Variants in USP4 observed in about 807,000 individuals in gnomAD.
USP4 encodes the protein ubiquitin carboxyl-terminal hydrolase 4.
A neutral mutation model predicts 118.2 loss-of-function variants in USP4; 72 were observed. That is an observed-to-expected ratio of 0.61 (90% CI 0.50 to 0.74). USP4 has a LOEUF of 0.74. Among genes scored for constraint, USP4 ranks in the 30% least tolerant of loss-of-function variants. The pLI is 0.00. For missense variants in USP4, 1,037 were observed against 1,185.7 expected, an observed-to-expected ratio of 0.87 and a Z score of 1.84; for synonymous variants, 415 against 440.4, an observed-to-expected ratio of 0.94 and a Z score of 0.72.
At chr3:49,297,437 T>G (rs1210782358) in intron 13 of USP4, among the ~76,000 whole-genome samples, 1 of 152,184 alleles carries the variant, frequency 6.6e-6, no homozygotes, top group Non-Finnish European at 1.5e-5. Flanking sequence ...ATTTCTGCAT[T>G]GGGGATGGTA....
At chr3:49,302,569 G>T (rs1242230754) in intron 9 of USP4, 27 bp from the exon 10 acceptor site, 1 of 1,603,448 alleles carries the variant, frequency 6.2e-7, no homozygotes, top group Non-Finnish European at 8.5e-7. Context: ...TGTATCAGAA[G>T]GCATAATACG....
At chr3:49,333,808 T>G (rs537297449) in intron 2 of USP4, among the ~76,000 whole-genome samples, 16 of 152,062 alleles carry the variant, frequency 1.1e-4, no homozygotes, top group African/African-American at 3.9e-4. Flanking sequence ...GAGGCTGAGG[T>G]CGGGAGTTCA....
At position 49,294,585 on chromosome 3, in the gene USP4, T is replaced by C; in HGVS notation, c.1705A>G (p.Ser569Gly). Residue 569 changes from serine (S) to glycine (G), a missense_variant, in exon 14 of 22, where the codon AGC becomes GGC. Around this residue, in one of 3 missense-constraint regions of USP4, gnomAD observed 522 missense variants for 592.6 expected, o/e 0.88. Transcript: ENST00000265560. ...CATTCCGAGCCATCCACGGAAGTGC[T>C]GCAGACCTCGTACCTGCGTCAATCA... ...RDDIFVYEVC[S>G]TSVDGSECVT... 6.2e-7 allele frequency: 1 copy of C among 1,613,884 alleles called. No homozygotes were observed. The highest frequency in any genetic ancestry group is 1.7e-4 in the Middle Eastern group (1 of 6,042).
chr3:49,308,647 C>G (rs909034799), intron 8 of USP4, among the ~76,000 whole-genome samples: 14 of 151,934 alleles, frequency 9.2e-5, no homozygotes, highest in African/African-American at 3.4e-4. Context: ...AATGAAGCCC[C>G]AGTAAAAATT....
chr3:49,300,343 G>A (rs2047251809), intron 11 of USP4, 124 bp downstream of exon 11: 4 of 776,684 alleles, frequency 5.2e-6, no homozygotes, highest in Middle Eastern at 7.3e-4. Flanking sequence ...GGAGGCCAAG[G>A]GCCCATACCC....
chr3:49,315,991 G>A (rs2047430742), intron 6 of USP4, among the ~76,000 whole-genome samples: 1 of 151,984 alleles, frequency 6.6e-6, no homozygotes. Context: ...ATCACATGAG[G>A]TTGGGAGTCC....
chr3:49,325,007 T>G lies in USP4; in HGVS notation c.520A>C (p.Asn174His), dbSNP rs2047537431. The G allele has an allele frequency of 1.9e-6, 3 of 1,613,952 alleles. No homozygotes were observed. Among genetic ancestry groups the G allele is most frequent in the Non-Finnish European group, 1.7e-6 (2 of 1,180,024 alleles). The change falls in exon 5 of 22, where the codon AAC (asparagine) becomes CAC (histidine). Residue 174 changes from asparagine to histidine, a missense_variant. Physicochemically the swap from Asn to His is moderately conservative, Grantham distance 68 (BLOSUM62 1). Coordinates refer to ENST00000265560, the MANE Select transcript of USP4 (RefSeq NM_003363.4). The part of the protein sequence containing the change: ...TIEKEMRKLF[N>H]IPAERETRLW... The stretch of plus-strand genomic sequence containing the variant: ...CGTGTTTCACGCTCCGCAGGGATGT[T>G]GAATAGCTTCCGCATCTCTTTCTCG...
At position 49,300,471 on chromosome 3, in the gene USP4, G is replaced by C; in HGVS notation, c.1508C>G (p.Thr503Ser). The C allele has an allele frequency of 6.2e-7, 1 of 1,614,016 alleles. No homozygotes were observed. Among genetic ancestry groups the C allele is most frequent in the Non-Finnish European group, 8.5e-7 (1 of 1,179,898 alleles). Residue 503 changes from threonine (T) to serine (S), a missense_variant, in exon 11 of 22, where the codon ACT (threonine) becomes AGT (serine). By Grantham distance (58) the Thr-to-Ser change is moderately conservative (BLOSUM62 1). This residue lies in a region of USP4 where 522 missense variants were observed against 592.6 expected (regional missense o/e 0.88). Coordinates refer to ENST00000265560, the MANE Select transcript of USP4 (RefSeq NM_003363.4). ...LVPADPHCRP[T>S]QYRVTVPLMG... The stretch of plus-strand genomic sequence containing the variant: ...TAAGGGTGTGGATTCTGTCACCTGA[G>C]TAGGTCTGCAGTGAGGGTCAGCAGG...
rs748500966 is a variant in USP4 at position 49,339,922 on chromosome 3, A to G, written c.101+2T>C. The G allele has an allele frequency of 6.2e-7, 1 of 1,611,878 alleles. No individual in the cohort carries two copies. The highest frequency in any genetic ancestry group is 8.5e-7 in the Non-Finnish European group (1 of 1,179,082). ...TAGAGGAAGAGCGAGCCGGGAGCTC[A>G]CCACTGCGCCCCGCGTTGGAGTGTG... On this transcript the variant is annotated splice_donor_variant, in intron 1 of 21. Transcript: ENST00000265560. LOFTEE classifies it high-confidence loss of function.
At chr3:49,286,570 T>G (rs2047092386) in intron 15 of USP4, among the ~76,000 whole-genome samples, 1 of 152,132 alleles carries the variant, frequency 6.6e-6, no homozygotes, top group Non-Finnish European at 1.5e-5. Context: ...ATGAGCCACC[T>G]GCAGGCACAA....
At chr3:49,312,669 G>A (rs1438346602) in intron 6 of USP4, 2 of 347,032 alleles carry the variant, frequency 5.8e-6, no homozygotes, top group African/African-American at 2.2e-5. Flanking sequence ...GCATGTGCCT[G>A]TAGTCCCAGC....
In USP4 at chr3:49,311,408, G is replaced by A. The variant is rs1051643191; in HGVS notation, c.836+106C>T. The A allele has an allele frequency of 5.5e-5, 69 of 1,248,878 alleles. 1 individual carries two copies. The East Asian group carries it at 1.7e-3, about 30-fold the overall frequency. 77.4% of individuals were successfully genotyped at this position (1,248,878 alleles called of 1,614,324 possible). ...AACTACATGTAGCATGTTCCCATGA[G>A]GAACTCTAACCCCACTATGCTTAGT... On this transcript the variant is annotated intron_variant, in intron 7 of 21. Transcript: ENST00000265560.
chr3:49,321,489 T>G (rs1269695565), intron 6 of USP4, among the ~76,000 whole-genome samples: 2 of 151,696 alleles, frequency 1.3e-5, no homozygotes, highest in Admixed American at 1.3e-4. Flanking sequence ...TTTTTTTTTT[T>G]TTTCTCCTGA....
chr3:49,329,203 T>TA (rs1274912051), intron 2 of USP4, among the ~76,000 whole-genome samples: 1 of 151,970 alleles, frequency 6.6e-6, no homozygotes, highest in African/African-American at 2.4e-5. Flanking sequence ...AAAGTAAAAA[T>TA]AAAAAATAAA....
intron 7 of USP4, among the ~76,000 whole-genome samples, chr3:49,311,145 G>A (rs2047377700): frequency 6.7e-6 from 1 of 148,208 alleles, no homozygotes; most frequent in African/African-American, 2.5e-5. Flanking sequence ...CCATGTGGCA[G>A]GTGTGCCTGA....
Position 49,300,617 on chromosome 3 carries a change from G to A in USP4, c.1362C>T (p.Leu454=). 6.2e-7 allele frequency: 1 copy of A among 1,614,198 alleles called. No individual in the cohort carries two copies. Among genetic ancestry groups the A allele is most frequent in the Non-Finnish European group, 8.5e-7 (1 of 1,180,046 alleles). The part of the protein sequence containing the change: ...DSVIVDTFHG[L]FKSTLVCPEC... ...CTGGGCAAACCAAAGTAGATTTGAA[G>A]AGGCCATGGAAAGTATCCACAATCA... The change falls in exon 11 of 22, where the codon CTC becomes CTT. Residue 454 remains leucine, a synonymous_variant. Transcript: ENST00000265560.
intron 11 of USP4, 26 bp downstream of exon 11, chr3:49,300,441 T>C (rs762999640): frequency 2.5e-6 from 4 of 1,603,100 alleles, no homozygotes; most frequent in Non-Finnish European, 3.4e-6. Context: ...CAGTGAGGGG[T>C]GCCATAAGGG....
intron 6 of USP4, chr3:49,317,064 G>T: frequency 8.6e-7 from 1 of 1,159,144 alleles, no homozygotes; most frequent in Non-Finnish European, 1.3e-6. Flanking sequence ...ACAGAGGCAG[G>T]CCCTGCCCAT....
intron 13 of USP4, among the ~76,000 whole-genome samples, chr3:49,296,111 T>G (rs1295108969): frequency 7.5e-6 from 1 of 134,018 alleles, no homozygotes; most frequent in Non-Finnish European, 1.6e-5. Flanking sequence ...GGGGACGGAT[T>G]ACGAGGTCAG....
Sources: allele counts gnomAD v4.1 joint callset (sites outside exome capture counted in the v4.1 genomes callset), GRCh38; gene constraint gnomAD v4.1.1; regional missense constraint gnomAD v4.1.1; transcripts MANE v1.5; gene names NCBI Gene and HGNC (gene_info 2026-07-23, HGNC 2026-07-21).